MRM1: variants seen among roughly 807,000 people sequenced by gnomAD.
MRM1 encodes the protein rRNA methyltransferase 1, mitochondrial.
Under a neutral mutation model 25.0 loss-of-function variants are expected in MRM1, and 24 were observed. The ratio of observed to expected loss-of-function variants is 0.96; its 90% CI spans 0.69 to 1.35. The LOEUF (loss-of-function observed/expected upper bound fraction) is 1.35. Among genes scored for constraint, MRM1 ranks in the 40% most tolerant of loss-of-function variants. The pLI is 0.00. For synonymous variants in MRM1, 188 were observed against 199.2 expected (o/e 0.94, Z 0.47); for missense variants, 431 against 464.1 (o/e 0.93, Z 0.65).
the MRM1 span, among the ~76,000 whole-genome samples, chr17:36,614,314 G>A: frequency 1.3e-5 from 2 of 152,030 alleles, no homozygotes; most frequent in East Asian, 3.9e-4. Flanking sequence ...TCCTGCTGGG[G>A]GAGGTGCTCC....
intron 2 of MRM1, among the ~76,000 whole-genome samples, chr17:36,604,268 T>G (rs1177271585): frequency 6.6e-6 from 1 of 152,170 alleles, no homozygotes; most frequent in Non-Finnish European, 1.5e-5. Flanking sequence ...TTCATCAAGG[T>G]CACCAGTGGC....
the MRM1 span, among the ~76,000 whole-genome samples, chr17:36,626,259 C>T: frequency 3.3e-5 from 5 of 152,222 alleles, no homozygotes; most frequent in East Asian, 9.7e-4. Flanking sequence ...AGCTGCCATC[C>T]CTGAAGATTT....
At chr17:36,625,717 C>T in the MRM1 span, among the ~76,000 whole-genome samples, 6 of 152,040 alleles carry the variant, frequency 3.9e-5, no homozygotes, top group Admixed American at 6.6e-5. Context: ...CTGCCTTGGC[C>T]TCCCAAAGTG....
the MRM1 span, among the ~76,000 whole-genome samples, chr17:36,627,235 A>G: frequency 3.9e-5 from 6 of 152,122 alleles, no homozygotes; most frequent in African/African-American, 1.2e-4. Context: ...AAGAAAAGAG[A>G]CCTGGGGTCT....
chr17:36,609,934 CT>C (rs987516399), downstream of MRM1, among the ~76,000 whole-genome samples: 5 of 151,330 alleles, frequency 3.3e-5, no homozygotes, highest in African/African-American at 7.3e-5. Flanking sequence ...GCCTATGCTC[CT>C]TTTTTTTTGA....
chr17:36,616,521 G>T, the MRM1 span, among the ~76,000 whole-genome samples: 1 of 152,224 alleles, frequency 6.6e-6, no homozygotes, highest in Admixed American at 6.5e-5. Flanking sequence ...CAGGCACTGT[G>T]CATGGGGCTG....
At chr17:36,621,564 C>T in the MRM1 span, among the ~76,000 whole-genome samples, 1 of 152,268 alleles carries the variant, frequency 6.6e-6, no homozygotes, top group South Asian at 2.1e-4. Flanking sequence ...ACCCAGAGAT[C>T]CCCCCACAAC....
At chr17:36,626,905 T>C in the MRM1 span, among the ~76,000 whole-genome samples, 1 of 152,206 alleles carries the variant, frequency 6.6e-6, no homozygotes, top group African/African-American at 2.4e-5. Context: ...AATTCTGTCA[T>C]TGTCACAGCC....
the MRM1 span, among the ~76,000 whole-genome samples, chr17:36,619,231 T>C: frequency 6.6e-6 from 1 of 152,236 alleles, no homozygotes; most frequent in Non-Finnish European, 1.5e-5. Flanking sequence ...TCCTTCCTTT[T>C]TAAGACTGAA....
chr17:36,625,462 C>CTTTTTTTTTTTTTTTTTTT, the MRM1 span, among the ~76,000 whole-genome samples: 60 of 102,006 alleles, frequency 5.9e-4, 5 homozygotes, highest in African/African-American at 2.1e-3. Context: ...CCTCCTCCTC[C>CTTTTTTTTTTTTTTTTTTT]TTTTTTTTTT....
rs138056291 is a variant in MRM1, at chr17:36,602,037, C to G, written c.227C>G (p.Ala76Gly). 2.7e-4 allele frequency: 431 copies of G among 1,610,156 alleles called. 1 individual carries two copies. In the Middle Eastern group the frequency reaches 5.6e-3, roughly 21 times the overall value. The change falls in exon 1 of 5, where the codon GCG becomes GGG. Residue 76 changes from alanine (A) to glycine (G), a missense_variant. Ala to Gly is a moderately conservative substitution (Grantham distance 60). Coordinates refer to ENST00000614766, the MANE Select transcript of MRM1 (RefSeq NM_024864.5). The surrounding 1 kb of genome is among the most constrained non-coding windows in gnomAD (Gnocchi z 4.1). ...TCTGTGGCCCGGCTCCTGCTCCAGGCGGGTAAAGCTGGGCTGCAGGGGAAG... is the reference window on the plus strand; with the variant it reads ...TCTGTGGCCCGGCTCCTGCTCCAGGGGGGTAAAGCTGGGCTGCAGGGGAAG... ...RRSVARLLLQ[A>G]GKAGLQGKRA...
chr17:36,629,633 C>T, the MRM1 span, among the ~76,000 whole-genome samples: 7 of 151,992 alleles, frequency 4.6e-5, no homozygotes, highest in African/African-American at 1.7e-4. Context: ...TCTGCTCCTC[C>T]ACCCGTGACT....
chr17:36,607,889 C>T lies in MRM1; in HGVS notation c.770-10C>T, dbSNP rs759682301. The stretch of plus-strand genomic sequence containing the variant: ...TGGGCAACCCTAACCCTCAGCCCCA[C>T]GCCCTGCAGGGAATGAGGGCTCAGG... On this transcript the variant is annotated splice_polypyrimidine_tract_variant and intron_variant, in intron 3 of 4. Transcript: ENST00000614766. 24 of 1,613,330 alleles carry T rather than the reference C, an allele frequency of 1.5e-5. No individual in the cohort carries two copies. The highest frequency in any genetic ancestry group is 1.3e-4 in the East Asian group (6 of 44,862).
At chr17:36,603,143 G>A (rs970231529) in intron 2 of MRM1, 2 of 985,122 alleles carry the variant, frequency 2.0e-6, no homozygotes, top group Admixed American at 1.2e-4. Flanking sequence ...GTATTGCTCT[G>A]CATATGGAAT....
the MRM1 span, among the ~76,000 whole-genome samples, chr17:36,614,640 T>G: frequency 6.6e-6 from 1 of 152,136 alleles, no homozygotes; most frequent in East Asian, 1.9e-4. Flanking sequence ...ATCCCACCCA[T>G]CTCTTGCTAG....
At chr17:36,614,458 G>A in the MRM1 span, among the ~76,000 whole-genome samples, 1 of 152,152 alleles carries the variant, frequency 6.6e-6, no homozygotes, top group Non-Finnish European at 1.5e-5. Context: ...TCTCCTGAGG[G>A]TCCTGGAAAC....
chr17:36,613,894 G>C (rs1189926480), downstream of MRM1, among the ~76,000 whole-genome samples: 4 of 151,884 alleles, frequency 2.6e-5, no homozygotes, highest in African/African-American at 7.3e-5. Context: ...CCCTACCTTA[G>C]GCAAGTCACT....
chr17:36,612,028 C>T (rs556960474), downstream of MRM1, among the ~76,000 whole-genome samples: 50 of 152,308 alleles, frequency 3.3e-4, no homozygotes, highest in South Asian at 2.1e-4. Context: ...GTGCTCCCTG[C>T]ATATGGGATG....
the MRM1 span, among the ~76,000 whole-genome samples, chr17:36,627,886 G>C: frequency 2.0e-5 from 3 of 152,114 alleles, no homozygotes; most frequent in East Asian, 5.8e-4. Flanking sequence ...ATGTTGGCCA[G>C]GCTGGTCTTG....
Sources: gnomAD v4.1 joint callset for allele counts (sites outside exome capture counted in the v4.1 genomes callset) on GRCh38, gnomAD v4.1.1 for gene constraint, Gnocchi (gnomAD v3.1) non-coding constraint, MANE v1.5 for transcripts, NCBI Gene and HGNC (gene_info 2026-07-23, HGNC 2026-07-21) for gene names.